LINGO2: variants seen among roughly 807,000 people sequenced by gnomAD.
LINGO2 encodes leucine rich repeat and Ig domain containing 2.
A neutral mutation model predicts 30.6 loss-of-function variants in LINGO2; 14 were observed. The ratio of observed to expected loss-of-function variants is 0.46; its 90% CI spans 0.30 to 0.72. The LOEUF (loss-of-function observed/expected upper bound fraction) is 0.72, where lower values mean the gene tolerates loss of function less well. Ranked by LOEUF, LINGO2 falls within the 30% of genes least tolerant of loss-of-function variation. The pLI is 0.07. For missense variants in LINGO2, 729 were observed against 751.7 expected (o/e 0.97, Z 0.35); for synonymous variants, 317 against 288.5 (o/e 1.10, Z -1.00).
chr9:28,000,652 A>G (rs1821902250), intron 5 of LINGO2, among the ~76,000 whole-genome samples: 1 of 152,226 alleles, frequency 6.6e-6, no homozygotes, highest in Admixed American at 6.5e-5. Flanking sequence ...TGTCTGACAC[A>G]GTGATAAGCT....
the LINGO2 span, among the ~76,000 whole-genome samples, chr9:28,988,664 C>T: frequency 7.2e-5 from 11 of 152,162 alleles, no homozygotes; most frequent in Non-Finnish European, 1.0e-4. Context: ...AAGACCAACA[C>T]GGGCTTCTTG....
intron 1 of LINGO2, among the ~76,000 whole-genome samples, chr9:28,635,133 C>G (rs1014142998): frequency 4.6e-5 from 7 of 152,194 alleles, no homozygotes; most frequent in Non-Finnish European, 7.3e-5. Context: ...CTCATTCACT[C>G]TTGAAACTTT....
the LINGO2 span, chr9:27,942,956 G>A: frequency 6.6e-6 from 1 of 152,100 alleles, no homozygotes; most frequent in Admixed American, 6.5e-5. Context: ...AAAACAGCAT[G>A]TTTTCTTCCA....
At chr9:28,903,538 C>T in the LINGO2 span, among the ~76,000 whole-genome samples, 1 of 152,114 alleles carries the variant, frequency 6.6e-6, no homozygotes, top group South Asian at 2.1e-4. Context: ...TGTGGTAGTG[C>T]AATCAAAGCT....
At chr9:28,022,364 G>A (rs535858476) in intron 4 of LINGO2, among the ~76,000 whole-genome samples, 1 of 151,942 alleles carries the variant, frequency 6.6e-6, no homozygotes, top group Non-Finnish European at 1.5e-5. Context: ...AAGATTAGAA[G>A]TAAGAAAAAT....
At position 27,960,279 on chromosome 9, in the gene LINGO2, G is replaced by A. The variant is rs556039513; in HGVS notation, c.-35-9573C>T. On this transcript the variant is annotated intron_variant, in intron 5 of 5. Coordinates refer to ENST00000379992, the Ensembl canonical transcript of LINGO2. ...AGTCCTGGTTAATCAATCTAGAGCTGAAACTATTTTCAAATAATTATGCTT... is the reference window on the plus strand; with the variant it reads ...AGTCCTGGTTAATCAATCTAGAGCTAAAACTATTTTCAAATAATTATGCTT... Among the ~76,000 whole-genome samples the A allele has an allele frequency of 2.6e-5, 4 of 152,244 alleles. No homozygotes were observed. In the East Asian group the frequency reaches 7.7e-4, roughly 29 times the overall value.
chr9:28,331,057 ATATT>A (rs958052641), intron 3 of LINGO2, among the ~76,000 whole-genome samples: 1 of 151,964 alleles, frequency 6.6e-6, no homozygotes, highest in Non-Finnish European at 1.5e-5. Flanking sequence ...ATGTTTCAAA[ATATT>A]TATTATTTAT....
At chr9:28,547,763 A>G (rs1822026282) in intron 1 of LINGO2, among the ~76,000 whole-genome samples, 1 of 152,120 alleles carries the variant, frequency 6.6e-6, no homozygotes, top group Admixed American at 6.6e-5. Context: ...GTGCCCATTA[A>G]GAAGGTAAAC....
the LINGO2 span, among the ~76,000 whole-genome samples, chr9:29,164,817 T>G: frequency 6.6e-6 from 1 of 152,144 alleles, no homozygotes; most frequent in Non-Finnish European, 1.5e-5. Flanking sequence ...GATTCCATAA[T>G]TATCTTATTG....
chr9:29,082,971 T>C, the LINGO2 span, among the ~76,000 whole-genome samples: 29,972 of 151,962 alleles, frequency 0.2, 3,099 homozygotes, highest in African/African-American at 0.24. Context: ...AGGAACACTT[T>C]TACACTGTTG....
intron 3 of LINGO2, among the ~76,000 whole-genome samples, chr9:28,360,043 C>T (rs896492254): frequency 6.6e-6 from 1 of 152,124 alleles, no homozygotes; most frequent in Non-Finnish European, 1.5e-5. Context: ...AGCATGTACA[C>T]TAAAACTTTT....
chr9:29,053,411 A>G, the LINGO2 span, among the ~76,000 whole-genome samples: 2 of 152,006 alleles, frequency 1.3e-5, no homozygotes, highest in Non-Finnish European at 2.9e-5. Flanking sequence ...ATTCCCACCT[A>G]TGGGTGGGGG....
intron 4 of LINGO2, among the ~76,000 whole-genome samples, chr9:28,131,728 A>G (rs1383885925): frequency 6.6e-6 from 1 of 152,098 alleles, no homozygotes; most frequent in African/African-American, 2.4e-5. Flanking sequence ...CCAATAATAA[A>G]AGGTTGCTGA....
the LINGO2 span, among the ~76,000 whole-genome samples, chr9:28,915,946 T>C: frequency 6.6e-6 from 1 of 152,290 alleles, no homozygotes; most frequent in Non-Finnish European, 1.5e-5. Context: ...ATTTCTGGCT[T>C]GGCTCTGTAA....
intron 4 of LINGO2, among the ~76,000 whole-genome samples, chr9:28,293,331 C>A (rs1005340223): frequency 3.3e-5 from 5 of 152,198 alleles, no homozygotes; most frequent in Admixed American, 2.0e-4. Context: ...CTCCTTGTCT[C>A]AAGTGATCCT....
At chr9:28,034,908 G>T (rs1034243605) in intron 4 of LINGO2, among the ~76,000 whole-genome samples, 1 of 152,134 alleles carries the variant, frequency 6.6e-6, no homozygotes, top group Admixed American at 6.5e-5. Context: ...TGCTAATAAA[G>T]TGTGAGTTGC....
At chr9:28,915,335 A>T in the LINGO2 span, among the ~76,000 whole-genome samples, 1 of 152,108 alleles carries the variant, frequency 6.6e-6, no homozygotes, top group Non-Finnish European at 1.5e-5. Context: ...TTCATTTGAA[A>T]CACCTGCAGG....
chr9:28,007,594 A>G (rs1822329789), intron 5 of LINGO2, among the ~76,000 whole-genome samples: 1 of 152,188 alleles, frequency 6.6e-6, no homozygotes, highest in African/African-American at 2.4e-5. Context: ...TCTGTTAGTC[A>G]CCAGATGCCC....
At chr9:28,280,001 G>A (rs767138162) in intron 4 of LINGO2, among the ~76,000 whole-genome samples, 13 of 152,098 alleles carry the variant, frequency 8.5e-5, no homozygotes, top group Non-Finnish European at 1.9e-4. Flanking sequence ...GACAGTCGAA[G>A]GAGTATGGCA....
Sources: gnomAD v4.1 joint callset for allele counts (sites outside exome capture counted in the v4.1 genomes callset) on GRCh38, gnomAD v4.1.1 for gene constraint, MANE v1.5 for transcripts, NCBI Gene and HGNC (gene_info 2026-07-23, HGNC 2026-07-21) for gene names.